Variants in FHIT observed in about 807,000 individuals in gnomAD.
FHIT encodes bis(5'-adenosyl)-triphosphatase.
Under a neutral mutation model 17.9 loss-of-function variants are expected in FHIT, and 19 were observed. The observed-to-expected ratio is 1.06, with a 90% CI of 0.74 to 1.56. FHIT has a LOEUF of 1.56. Ranked by LOEUF, FHIT falls within the 40% of genes most tolerant of loss-of-function variation. The pLI is 0.00. For synonymous variants in FHIT, 81 were observed against 69.7 expected, an observed-to-expected ratio of 1.16 and a Z score of -0.81; for missense variants, 248 against 189.2, an observed-to-expected ratio of 1.31 and a Z score of -1.82.
intron 5 of FHIT, among the ~76,000 whole-genome samples, chr3:60,142,954 G>A (rs965095307): frequency 2.0e-5 from 3 of 152,116 alleles, no homozygotes; most frequent in Non-Finnish European, 4.4e-5. Flanking sequence ...CTAGAGTCAG[G>A]AACAAGACAA....
At chr3:59,886,880 A>G (rs1276121880) in intron 8 of FHIT, among the ~76,000 whole-genome samples, 2 of 152,120 alleles carry the variant, frequency 1.3e-5, no homozygotes, top group African/African-American at 4.8e-5. Context: ...TTTTTTGTCT[A>G]TTAGACATTC....
intron 6 of FHIT, among the ~76,000 whole-genome samples, chr3:60,013,208 G>C (rs555847095): frequency 1.6e-3 from 237 of 152,328 alleles, no homozygotes; most frequent in African/African-American, 5.6e-3. Context: ...ATGGTAAAGA[G>C]CTAAGGAGGG....
chr3:61,115,391 CG>C (rs1217733048), intron 2 of FHIT, among the ~76,000 whole-genome samples: 4 of 151,854 alleles, frequency 2.6e-5, no homozygotes, highest in Admixed American at 1.3e-4. Context: ...GAGGCAGGAG[CG>C]CCAAGAGTAA....
At chr3:60,002,180 T>C (rs1236281894) in intron 7 of FHIT, among the ~76,000 whole-genome samples, 1 of 152,182 alleles carries the variant, frequency 6.6e-6, no homozygotes, top group Non-Finnish European at 1.5e-5. Context: ...AAGACTTGTT[T>C]AAAAGAATAA....
intron 3 of FHIT, among the ~76,000 whole-genome samples, chr3:60,950,483 T>TG (rs200215632): frequency 0.028 from 4,011 of 143,120 alleles, 180 homozygotes; most frequent in African/African-American, 0.095. Flanking sequence ...GGGCTTTTTT[T>TG]TCTTTTTTTT....
chr3:61,175,074 T>C (rs993021271), intron 2 of FHIT, among the ~76,000 whole-genome samples: 5 of 151,748 alleles, frequency 3.3e-5, no homozygotes, highest in Non-Finnish European at 7.4e-5. Context: ...AAGAAAAGAA[T>C]AAAGAACATG....
At chr3:60,390,429 C>CAAAAA (rs138051258) in intron 5 of FHIT, among the ~76,000 whole-genome samples, 1 of 11,248 alleles carries the variant, frequency 8.9e-5, no homozygotes, top group African/African-American at 1.2e-4. Flanking sequence ...AAAAAAAAAA[C>CAAAAA]CCGTACCCTC....
chr3:60,732,684 C>CTTTT lies in FHIT; in HGVS notation c.-18+89231_-18+89234dup, dbSNP rs3038041. On this transcript the variant is annotated intron_variant, in intron 4 of 9. Transcript: ENST00000492590. ...GCAGTGGCAGCGTCTGCAAAGACTG[C>CTTTT]TTTTTTTTTTTTTTTTTTTTTTGAC... The CTTTT allele has an allele frequency of 4.2e-3, 746 of 178,400 alleles. 3 individuals carry two copies. Among genetic ancestry groups the CTTTT allele is most frequent in the Non-Finnish European group, 5.3e-3 (524 of 98,722 alleles). The allele number at this position is 178,400 out of a possible 1,614,324, so 11.1% of individuals were successfully genotyped here.
At chr3:59,949,639 T>C (rs1028363451) in intron 7 of FHIT, among the ~76,000 whole-genome samples, 39 of 152,242 alleles carry the variant, frequency 2.6e-4, no homozygotes, top group African/African-American at 9.4e-4. Context: ...ACCACACTTC[T>C]AGCTAACGCT....
chr3:60,485,114 A>G (rs1306078831), intron 5 of FHIT, among the ~76,000 whole-genome samples: 1 of 152,116 alleles, frequency 6.6e-6, no homozygotes, highest in Non-Finnish European at 1.5e-5. Context: ...TACCATCTGA[A>G]GTCAGTCAGA....
At chr3:60,620,585 G>GAA (rs562373515) in intron 4 of FHIT, among the ~76,000 whole-genome samples, 5 of 134,184 alleles carry the variant, frequency 3.7e-5, no homozygotes, top group African/African-American at 1.1e-4. Context: ...GGATACATTG[G>GAA]AAAAAAAAAA....
chr3:59,778,746 A>C (rs1162555012), intron 8 of FHIT, among the ~76,000 whole-genome samples: 1 of 152,214 alleles, frequency 6.6e-6, no homozygotes, highest in African/African-American at 2.4e-5. Flanking sequence ...TCATGTAGAG[A>C]AACAGGCTTT....
chr3:61,161,248 G>T (rs1408978695), intron 2 of FHIT, among the ~76,000 whole-genome samples: 1 of 150,892 alleles, frequency 6.6e-6, no homozygotes, highest in Non-Finnish European at 1.5e-5. Context: ...TGTCGCCCAG[G>T]CTGGAGTGCA....
intron 7 of FHIT, among the ~76,000 whole-genome samples, chr3:59,987,370 G>A (rs1709033091): frequency 6.6e-6 from 1 of 151,752 alleles, no homozygotes; most frequent in Non-Finnish European, 1.5e-5. Context: ...AGTTCATCGT[G>A]TGTGTCTCAT....
At chr3:60,732,102 A>G (rs2042041751) in intron 4 of FHIT, 2 of 660,758 alleles carry the variant, frequency 3.0e-6, no homozygotes, top group Admixed American at 2.1e-5. Context: ...CCTGAGCTAC[A>G]GAAGGAATGG....
rs146094915 is a variant in FHIT at position 60,996,034 on chromosome 3, T to C, written c.-111+46013A>G. ...AAATGAAGTGCTTTGTGTAGATTCTTTTGGTTTTATTTAAGGCATAAAAAT... is the reference window on the plus strand; with the variant it reads ...AAATGAAGTGCTTTGTGTAGATTCTCTTGGTTTTATTTAAGGCATAAAAAT... On this transcript the variant is annotated intron_variant, in intron 3 of 9. Coordinates refer to ENST00000492590, the MANE Select transcript of FHIT (RefSeq NM_002012.4). Among the ~76,000 whole-genome samples the C allele has an allele frequency of 3.0e-3, 453 of 151,912 alleles. 3 individuals carry two copies. Among genetic ancestry groups the C allele is most frequent in the Middle Eastern group, 0.024 (7 of 294 alleles).
intron 5 of FHIT, among the ~76,000 whole-genome samples, chr3:60,422,234 A>G (rs1702503306): frequency 6.6e-6 from 1 of 152,142 alleles, no homozygotes; most frequent in South Asian, 2.1e-4. Flanking sequence ...TCATATGGAA[A>G]TATTCCAAAG....
intron 1 of FHIT, among the ~76,000 whole-genome samples, chr3:61,218,109 A>G (rs1178643735): frequency 6.6e-6 from 1 of 152,132 alleles, no homozygotes; most frequent in African/African-American, 2.4e-5. Flanking sequence ...GAGAGTGGTA[A>G]GTTATCTGTA....
intron 4 of FHIT, among the ~76,000 whole-genome samples, chr3:60,640,187 G>T (rs2107789609): frequency 6.6e-6 from 1 of 152,272 alleles, no homozygotes; most frequent in Middle Eastern, 3.4e-3. Flanking sequence ...TGGCAGAAAT[G>T]TTCTGCACCT....
Sources: gnomAD v4.1 joint callset for allele counts (sites outside exome capture counted in the v4.1 genomes callset) on GRCh38, gnomAD v4.1.1 for gene constraint, MANE v1.5 for transcripts, NCBI Gene and HGNC (gene_info 2026-07-23, HGNC 2026-07-21) for gene names.